The following EPHB2 variants were observed in gnomAD, a reference collection of about 807,000 sequenced individuals.
The protein encoded by EPHB2 is EPH receptor B2.
In EPHB2, 18 loss-of-function variants were observed where a neutral mutation model predicts 96.4. The observed-to-expected ratio is 0.19, with a 90% CI of 0.13 to 0.28. The LOEUF is 0.28. EPHB2 is among the 10% of genes least tolerant of loss of function. The probability of loss-of-function intolerance (pLI) is 1.00; values close to 1 mark genes in which losing one functional copy is unlikely to be tolerated. For synonymous variants in EPHB2, 506 were observed against 534.1 expected (o/e 0.95, Z 0.72); for missense variants, 989 against 1,355.4 (o/e 0.73, Z 4.25).
intron 3 of EPHB2, among the ~76,000 whole-genome samples, chr1:22,831,056 G>C (rs896026236): frequency 2.0e-5 from 3 of 152,194 alleles, no homozygotes; most frequent in African/African-American, 7.2e-5. Flanking sequence ...ACCAGAGTCT[G>C]AAAGTCTGAA....
chr1:22,821,927 C>T (rs1645157550), intron 3 of EPHB2, among the ~76,000 whole-genome samples: 1 of 152,094 alleles, frequency 6.6e-6, no homozygotes, highest in South Asian at 2.1e-4. Flanking sequence ...TATTCCTCAG[C>T]ATATGAGGCT....
chr1:22,753,507 C>T (rs1389224835), intron 1 of EPHB2, among the ~76,000 whole-genome samples: 2 of 152,120 alleles, frequency 1.3e-5, no homozygotes, highest in African/African-American at 4.8e-5. Flanking sequence ...GAAGCGCAGG[C>T]ACCAAGCCCA....
At position 22,909,117 on chromosome 1, in the gene EPHB2, G is replaced by A. The variant is rs547041098; in HGVS notation, c.2448G>A (p.Met816Ile). ...ASDVWSYGIVMWEVMSYGERP... is the reference protein window; with the variant it reads ...ASDVWSYGIVIWEVMSYGERP... ...ATGTGTGGAGCTACGGCATTGTCAT[G>A]TGGGAGGTGATGTCCTATGGGGAGC... The change falls in exon 13 of 16, where the codon ATG (methionine) becomes ATA (isoleucine). Residue 816 changes from methionine (M) to isoleucine (I), a missense_variant. Physicochemically the swap from Met to Ile is conservative, Grantham distance 10 (BLOSUM62 1). Transcript: ENST00000374630. 14 of 1,614,208 alleles carry A rather than the reference G, an allele frequency of 8.7e-6. No individual in the cohort carries two copies. The highest frequency in any genetic ancestry group is 1.1e-5 in the Non-Finnish European group (13 of 1,180,044).
intron 15 of EPHB2, chr1:22,912,890 G>T: frequency 4.6e-6 from 2 of 431,586 alleles, no homozygotes; most frequent in Non-Finnish European, 4.4e-6. Flanking sequence ...AAGGAAGCGG[G>T]TGCTTAGAAA....
chr1:22,793,237 C>A (rs1488994520), intron 3 of EPHB2, among the ~76,000 whole-genome samples: 1 of 152,130 alleles, frequency 6.6e-6, no homozygotes, highest in African/African-American at 2.4e-5. Context: ...ACTCAAATAC[C>A]ACTTCCAGGA....
intron 3 of EPHB2, among the ~76,000 whole-genome samples, chr1:22,787,182 T>TTA (rs747703547): frequency 3.3e-5 from 5 of 152,142 alleles, no homozygotes; most frequent in Non-Finnish European, 7.4e-5. Flanking sequence ...TAGACTTGTT[T>TTA]TAATAGGAAC....
Position 22,860,490 on chromosome 1 carries a change from G to A in EPHB2, c.812-2547G>A, listed in dbSNP as rs1294439098. Among the ~76,000 whole-genome samples the A allele has an allele frequency of 6.6e-6, 1 of 152,158 alleles. No individual in the cohort carries two copies. Among genetic ancestry groups the A allele is most frequent in the East Asian group, 1.9e-4 (1 of 5,180 alleles). On this transcript the variant is annotated intron_variant, in intron 3 of 15. Transcript: ENST00000374630. The surrounding 1 kb of genome is among the most constrained non-coding windows in gnomAD (Gnocchi z 4.6). ...CAAATGAAGGGCGGCTTAGGGCAGG[G>A]GCAGCCTGGGGAGTCTGAGAGGGAG... is the stretch of plus-strand genomic sequence containing the variant.
At chr1:22,717,511 G>A (rs1191663796) in intron 1 of EPHB2, among the ~76,000 whole-genome samples, 1 of 152,174 alleles carries the variant, frequency 6.6e-6, no homozygotes, top group East Asian at 1.9e-4. Context: ...TCAGAAGAGG[G>A]GACCTTGCCT....
At chr1:22,743,001 C>G (rs1286801314) in intron 1 of EPHB2, among the ~76,000 whole-genome samples, 1 of 152,000 alleles carries the variant, frequency 6.6e-6, no homozygotes, top group Non-Finnish European at 1.5e-5. Context: ...AAGCGATCCT[C>G]CCACTTCAGC....
At chr1:22,798,609 C>T (rs771997713) in intron 3 of EPHB2, among the ~76,000 whole-genome samples, 1 of 152,066 alleles carries the variant, frequency 6.6e-6, no homozygotes, top group Non-Finnish European at 1.5e-5. Flanking sequence ...GGTGGGAGCC[C>T]ACCGTGTGTC....
chr1:22,754,487 C>T (rs1644112705), intron 1 of EPHB2, among the ~76,000 whole-genome samples: 2 of 152,008 alleles, frequency 1.3e-5, no homozygotes, highest in Non-Finnish European at 2.9e-5. Context: ...TTTGGCTGGG[C>T]TTCTGCAGAA....
chr1:22,799,252 C>A (rs150356812), intron 3 of EPHB2, among the ~76,000 whole-genome samples: 1 of 152,158 alleles, frequency 6.6e-6, no homozygotes, highest in Non-Finnish European at 1.5e-5. Flanking sequence ...CCTCGAGAAG[C>A]CATCAGGACA....
At chr1:22,832,014 A>C (rs956771101) in intron 3 of EPHB2, among the ~76,000 whole-genome samples, 1 of 152,202 alleles carries the variant, frequency 6.6e-6, no homozygotes, top group East Asian at 1.9e-4. Flanking sequence ...CCAGGCCCCA[A>C]ATGGAGCAGC....
intron 3 of EPHB2, among the ~76,000 whole-genome samples, chr1:22,796,356 G>A (rs965934780): frequency 6.6e-6 from 1 of 152,214 alleles, no homozygotes; most frequent in Non-Finnish European, 1.5e-5. Context: ...TGGGCTTTCT[G>A]CTCCTTCCTC....
chr1:22,833,179 G>A (rs1019836717), intron 3 of EPHB2, among the ~76,000 whole-genome samples: 9 of 151,810 alleles, frequency 5.9e-5, no homozygotes, highest in South Asian at 2.1e-4. Flanking sequence ...GTTCAGTGGC[G>A]CAGTCTCGGC....
chr1:22,736,431 G>T (rs1225431040), intron 1 of EPHB2, among the ~76,000 whole-genome samples: 1 of 152,182 alleles, frequency 6.6e-6, no homozygotes, highest in African/African-American at 2.4e-5. Context: ...GAGTTCCATG[G>T]GGCCCCCCTT....
intron 1 of EPHB2, chr1:22,775,211 C>G: frequency 1.3e-6 from 1 of 779,806 alleles, no homozygotes; most frequent in South Asian, 1.3e-5. Context: ...GATGTGGGTT[C>G]CAGTCCTAGC....
intron 3 of EPHB2, among the ~76,000 whole-genome samples, chr1:22,837,146 A>G (rs114153216): frequency 0.018 from 2,750 of 152,300 alleles, 71 homozygotes; most frequent in African/African-American, 0.062. Flanking sequence ...GAGAGCTGTC[A>G]GTCATTCAAA....
intron 3 of EPHB2, among the ~76,000 whole-genome samples, chr1:22,816,831 C>T (rs767471220): frequency 6.6e-6 from 1 of 152,200 alleles, no homozygotes; most frequent in Non-Finnish European, 1.5e-5. Context: ...CCTAAGGTCA[C>T]CCTGGGGGAG....
Sources: allele counts gnomAD v4.1 joint callset (sites outside exome capture counted in the v4.1 genomes callset), GRCh38; gene constraint gnomAD v4.1.1; non-coding constraint Gnocchi (gnomAD v3.1); transcripts MANE v1.5; gene names NCBI Gene and HGNC (gene_info 2026-07-23, HGNC 2026-07-21).